FRYL: variants seen among roughly 807,000 people sequenced by gnomAD.
FRYL encodes protein furry homolog-like.
FRYL carries 150 observed loss-of-function variants against 351.2 expected under a neutral mutation model. The ratio of observed to expected loss-of-function variants is 0.43; its 90% confidence interval spans 0.37 to 0.49. FRYL has a LOEUF of 0.49. Among genes scored for constraint, FRYL ranks in the 20% least tolerant of loss-of-function variants. The pLI, the probability that FRYL is intolerant of heterozygous loss-of-function variation, is 0.00. For synonymous variants in FRYL, 1,153 were observed against 1,257.1 expected, an observed-to-expected ratio of 0.92 and a Z score of 1.75; for missense variants, 3,036 against 3,619.3, an observed-to-expected ratio of 0.84 and a Z score of 4.13.
intron 2 of FRYL, among the ~76,000 whole-genome samples, chr4:48,707,982 G>A (rs936336693): frequency 9.3e-5 from 14 of 150,942 alleles, no homozygotes; most frequent in Admixed American, 7.3e-4. Flanking sequence ...CACCACACCC[G>A]GCTAATTTTT....
chr4:48,752,747 T>A (rs1284985448), intron 1 of FRYL, among the ~76,000 whole-genome samples: 4 of 152,254 alleles, frequency 2.6e-5, no homozygotes, highest in Admixed American at 1.3e-4. Context: ...AGAGTTCACA[T>A]TACTATTGTC....
intron 7 of FRYL, chr4:48,619,043 C>T: frequency 2.7e-6 from 1 of 373,880 alleles, no homozygotes; most frequent in Non-Finnish European, 4.8e-6. Context: ...CTCCATTTTG[C>T]TAACAAGATT....
chr4:48,505,600 T>TA lies in FRYL; in HGVS notation c.8409dup (p.Lys2804Ter), dbSNP rs1408162054. On this transcript the variant is annotated frameshift_variant, in exon 60 of 64. Coordinates refer to ENST00000358350, the MANE Select transcript of FRYL (RefSeq NM_015030.2). LOFTEE classifies it high-confidence loss of function. Reference sequence around the variant, plus strand: ...TCTTCTTTGGCACCAAATGTCCTCTTACAATCATCTAGCCACTAAAAATAA... The same window carrying TA: ...TCTTCTTTGGCACCAAATGTCCTCTTAACAATCATCTAGCCACTAAAAATAA... 2 of 1,606,412 alleles carry TA rather than the reference T, an allele frequency of 1.2e-6. No homozygotes were observed. The highest frequency in any genetic ancestry group is 1.3e-5 in the African/African-American group (1 of 74,838).
At chr4:48,776,413 C>T (rs1362307124) in intron 1 of FRYL, among the ~76,000 whole-genome samples, 1 of 152,140 alleles carries the variant, frequency 6.6e-6, no homozygotes, top group African/African-American at 2.4e-5. Flanking sequence ...CCAAATAAAA[C>T]TAAATTTAAA....
chr4:48,623,897 A>C (rs1322467409), intron 4 of FRYL, among the ~76,000 whole-genome samples: 1 of 152,016 alleles, frequency 6.6e-6, no homozygotes, highest in African/African-American at 2.4e-5. Context: ...TTTTATATGT[A>C]TGTAAAACTA....
intron 7 of FRYL, among the ~76,000 whole-genome samples, chr4:48,610,666 A>G (rs1287243590): frequency 6.8e-6 from 1 of 146,740 alleles, no homozygotes; most frequent in African/African-American, 2.5e-5. Flanking sequence ...TTGTATATAT[A>G]CATATATTAT....
intron 3 of FRYL, among the ~76,000 whole-genome samples, chr4:48,639,781 C>T (rs532368339): frequency 6.6e-6 from 1 of 152,016 alleles, no homozygotes; most frequent in Non-Finnish European, 1.5e-5. Flanking sequence ...GACTGGTATA[C>T]AAAATACATA....
intron 32 of FRYL, among the ~76,000 whole-genome samples, chr4:48,562,526 TAAA>T (rs1735754815): frequency 6.6e-6 from 1 of 152,158 alleles, no homozygotes; most frequent in Non-Finnish European, 1.5e-5. Flanking sequence ...GAGAATATGA[TAAA>T]AAGAGCTAAT....
intron 47 of FRYL, among the ~76,000 whole-genome samples, chr4:48,537,237 T>A (rs1361324722): frequency 2.6e-5 from 4 of 152,342 alleles, no homozygotes; most frequent in East Asian, 1.9e-4. Context: ...GGAATGATTT[T>A]AAAAAACTTA....
intron 2 of FRYL, among the ~76,000 whole-genome samples, chr4:48,705,646 A>G (rs1455256379): frequency 1.3e-5 from 2 of 152,144 alleles, no homozygotes; most frequent in African/African-American, 4.8e-5. Context: ...ACTATTATAC[A>G]TGATTATAAA....
chr4:48,660,893 G>T (rs1270630063), intron 3 of FRYL, among the ~76,000 whole-genome samples: 2 of 152,100 alleles, frequency 1.3e-5, no homozygotes, highest in Non-Finnish European at 2.9e-5. Flanking sequence ...ACATTATCAA[G>T]ATCATTAAAA....
chr4:48,676,844 T>C (rs1400704904), intron 3 of FRYL, among the ~76,000 whole-genome samples: 1 of 152,264 alleles, frequency 6.6e-6, no homozygotes, highest in Non-Finnish European at 1.5e-5. Flanking sequence ...CATTCAACTT[T>C]GTTTACACTG....
chr4:48,672,134 T>C (rs1762856293), intron 3 of FRYL, among the ~76,000 whole-genome samples: 1 of 152,212 alleles, frequency 6.6e-6, no homozygotes, highest in Non-Finnish European at 1.5e-5. Flanking sequence ...ATCAATTTTG[T>C]TGACAATTTT....
At chr4:48,765,276 A>C (rs1203659912) in intron 1 of FRYL, among the ~76,000 whole-genome samples, 2 of 152,210 alleles carry the variant, frequency 1.3e-5, no homozygotes, top group Non-Finnish European at 2.9e-5. Flanking sequence ...ATACCAATCA[A>C]AGCAGTATAG....
chr4:48,569,168 A>G (rs1157202298), intron 27 of FRYL, among the ~76,000 whole-genome samples: 2 of 152,234 alleles, frequency 1.3e-5, no homozygotes, highest in African/African-American at 2.4e-5. Context: ...GAATGCTACA[A>G]TTAAAGCAAC....
chr4:48,771,571 G>A (rs965350181), intron 1 of FRYL, among the ~76,000 whole-genome samples: 3 of 152,122 alleles, frequency 2.0e-5, no homozygotes, highest in African/African-American at 7.2e-5. Context: ...ATTTTTAGAG[G>A]TTTATTATTC....
chr4:48,758,536 A>G (rs1348811181), intron 1 of FRYL, among the ~76,000 whole-genome samples: 1 of 152,216 alleles, frequency 6.6e-6, no homozygotes, highest in African/African-American at 2.4e-5. Context: ...ATGAGATACC[A>G]TCTCACACCA....
rs751307315 is a variant in FRYL, at chr4:48,540,698, C to G, written c.5950G>C (p.Glu1984Gln). 3.1e-6 allele frequency: 5 copies of G among 1,614,040 alleles called. No individual in the cohort carries two copies. The highest frequency in any genetic ancestry group is 1.7e-5 in the Admixed American group (1 of 60,006). ...GACTGCACGTCATACATTCCTTTCT[C>G]TCTTAGAGAGGAAAGGCTTCTAGTC... is the stretch of plus-strand genomic sequence containing the variant. Reference protein sequence around the residue: ...ARTRSLSSLREKGMYDVQSTT... With the variant: ...ARTRSLSSLRQKGMYDVQSTT... The change falls in exon 46 of 64, where the codon GAG (glutamate) becomes CAG (glutamine). Residue 1984 changes from glutamate to glutamine, a missense_variant. Coordinates refer to ENST00000358350, the MANE Select transcript of FRYL (RefSeq NM_015030.2).
At chr4:48,641,584 C>A (rs1560772547) in intron 3 of FRYL, among the ~76,000 whole-genome samples, 1 of 152,012 alleles carries the variant, frequency 6.6e-6, no homozygotes, top group Non-Finnish European at 1.5e-5. Flanking sequence ...GGAATTAGAT[C>A]CAGAACATCA....
Sources: gnomAD v4.1 joint callset for allele counts (sites outside exome capture counted in the v4.1 genomes callset) on GRCh38, gnomAD v4.1.1 for gene constraint, MANE v1.5 for transcripts, NCBI Gene and HGNC (gene_info 2026-07-23, HGNC 2026-07-21) for gene names.